SYNPR: variants seen among roughly 807,000 people sequenced by gnomAD.
The protein encoded by SYNPR is synaptoporin.
In SYNPR, 23 loss-of-function variants were observed where a neutral mutation model predicts 32.9. That is an observed-to-expected ratio of 0.70 (90% CI 0.50 to 0.99). SYNPR has a LOEUF of 0.99. Among genes scored for constraint, SYNPR ranks in the 50% least tolerant of loss-of-function variants. The probability of loss-of-function intolerance (pLI) is 0.00; values close to 1 mark genes in which losing one functional copy is unlikely to be tolerated. For missense variants in SYNPR, 318 were observed against 349.3 expected (o/e 0.91, Z 0.71); for synonymous variants, 146 against 135.9 (o/e 1.07, Z -0.52).
At chr3:63,553,270 C>T (rs1194356084) in intron 3 of SYNPR, among the ~76,000 whole-genome samples, 4 of 152,154 alleles carry the variant, frequency 2.6e-5, no homozygotes, top group Non-Finnish European at 4.4e-5. Context: ...GACATAATTT[C>T]ATTCTTTTTT....
At chr3:63,476,472 G>C (rs1196069642) in intron 2 of SYNPR, among the ~76,000 whole-genome samples, 1 of 152,150 alleles carries the variant, frequency 6.6e-6, no homozygotes, top group Non-Finnish European at 1.5e-5. Flanking sequence ...TTGGTAATGA[G>C]CTTCCAGATA....
At chr3:63,355,744 G>C (rs539924036) in intron 2 of SYNPR, among the ~76,000 whole-genome samples, 2 of 151,416 alleles carry the variant, frequency 1.3e-5, no homozygotes, top group African/African-American at 4.9e-5. Flanking sequence ...CTGCCACACA[G>C]CCTTTGCCAG....
intron 2 of SYNPR, among the ~76,000 whole-genome samples, chr3:63,383,720 A>C (rs996035688): frequency 6.6e-6 from 1 of 152,184 alleles, no homozygotes; most frequent in Non-Finnish European, 1.5e-5. Context: ...TAAGAACAGG[A>C]GTGGGAAATA....
At chr3:63,233,553 A>G (rs1018098992) in intron 1 of SYNPR, among the ~76,000 whole-genome samples, 1 of 152,192 alleles carries the variant, frequency 6.6e-6, no homozygotes, top group African/African-American at 2.4e-5. Flanking sequence ...TTCCTAAAAG[A>G]TTCTATGCAA....
intron 2 of SYNPR, among the ~76,000 whole-genome samples, chr3:63,460,239 T>C (rs1391458537): frequency 2.0e-5 from 3 of 152,090 alleles, no homozygotes; most frequent in Admixed American, 6.6e-5. Context: ...CTCCAGATTA[T>C]ATCTTCCTGT....
chr3:63,445,275 T>C (rs1700254431), intron 2 of SYNPR, among the ~76,000 whole-genome samples: 1 of 152,140 alleles, frequency 6.6e-6, no homozygotes, highest in South Asian at 2.1e-4. Flanking sequence ...CTCCAGTCTG[T>C]TAGTTTACAG....
rs538937075 is a variant in SYNPR at position 63,485,693 on chromosome 3, A to G, written c.209+4737A>G. Among the ~76,000 whole-genome samples, 12 of 152,322 alleles carry G rather than the reference A, an allele frequency of 7.9e-5. No homozygotes were observed. In the East Asian group the frequency reaches 1.4e-3, roughly 17 times the overall value. On this transcript the variant is annotated intron_variant, in intron 3 of 5. Transcript: ENST00000478300. Reference sequence around the variant, plus strand: ...TTTGTTAATGACCTTCTAATAGAGAAGGTGCTCACCTCTTGTTTTTTGGAA... The same window carrying G: ...TTTGTTAATGACCTTCTAATAGAGAGGGTGCTCACCTCTTGTTTTTTGGAA...
intron 4 of SYNPR, chr3:63,561,341 G>A (rs2106834071): frequency 6.6e-6 from 1 of 152,254 alleles, no homozygotes. Flanking sequence ...ATTTATAGAT[G>A]AGAGAAGGGA....
In SYNPR at chr3:63,443,072, C is replaced by T. The variant is rs368437602; in HGVS notation, c.85-37760C>T. On this transcript the variant is annotated intron_variant, in intron 2 of 5. Coordinates refer to ENST00000478300, the MANE Select transcript of SYNPR (RefSeq NM_001130003.2). Reference sequence around the variant, plus strand: ...GCCTCTGTTGGTGATGCAGCCTGCTCGTGCAAAGCAGTCCTGCACTTCCAG... The same window carrying T: ...GCCTCTGTTGGTGATGCAGCCTGCTTGTGCAAAGCAGTCCTGCACTTCCAG... The T allele has an allele frequency of 9.8e-6, 10 of 1,021,388 alleles. No individual in the cohort carries two copies. The Admixed American group carries it at 3.7e-4, about 38-fold the overall frequency. The allele number at this position is 1,021,388 out of a possible 1,614,324, so 63.3% of individuals were successfully genotyped here.
intron 1 of SYNPR, among the ~76,000 whole-genome samples, chr3:63,242,732 G>T (rs778791784): frequency 6.6e-6 from 1 of 152,026 alleles, no homozygotes; most frequent in Non-Finnish European, 1.5e-5. Flanking sequence ...GATGAGGAGT[G>T]AAATGCTGCA....
At chr3:63,218,387 T>C in the SYNPR span, among the ~76,000 whole-genome samples, 1 of 152,196 alleles carries the variant, frequency 6.6e-6, no homozygotes, top group Admixed American at 6.5e-5. Flanking sequence ...GGAACATTTA[T>C]TGAGAATCCA....
chr3:63,386,979 A>C (rs2088054337), intron 2 of SYNPR, among the ~76,000 whole-genome samples: 1 of 152,208 alleles, frequency 6.6e-6, no homozygotes, highest in African/African-American at 2.4e-5. Flanking sequence ...TGATCTCTCA[A>C]GAATCTCATT....
At chr3:63,548,384 G>T (rs1000050858) in intron 3 of SYNPR, among the ~76,000 whole-genome samples, 7 of 151,810 alleles carry the variant, frequency 4.6e-5, no homozygotes. Flanking sequence ...GGGGCTACTT[G>T]GGGGGAAAAA....
the SYNPR span, among the ~76,000 whole-genome samples, chr3:63,217,563 C>T: frequency 1.5e-5 from 2 of 131,424 alleles, no homozygotes; most frequent in Admixed American, 7.9e-5. Context: ...CGCCCTGCTT[C>T]GGCTCGCGCA....
At chr3:63,473,016 T>C (rs1245450275) in intron 2 of SYNPR, among the ~76,000 whole-genome samples, 1 of 152,094 alleles carries the variant, frequency 6.6e-6, no homozygotes, top group African/African-American at 2.4e-5. Context: ...ATACCTGACA[T>C]ATTTCTGCCT....
intron 3 of SYNPR, among the ~76,000 whole-genome samples, chr3:63,269,321 T>C (rs1009451791): frequency 1.3e-5 from 2 of 152,056 alleles, no homozygotes; most frequent in Non-Finnish European, 2.9e-5. Flanking sequence ...AAACCCCATC[T>C]CTACTAAAAA....
chr3:63,559,121 G>A (rs1702641415), intron 4 of SYNPR, among the ~76,000 whole-genome samples: 1 of 140,214 alleles, frequency 7.1e-6, no homozygotes, highest in African/African-American at 2.7e-5. Context: ...AGGCTGCTGT[G>A]TAGTGGAGCG....
intron 2 of SYNPR, among the ~76,000 whole-genome samples, chr3:63,373,940 G>C (rs1385190941): frequency 6.6e-6 from 1 of 152,220 alleles, no homozygotes. Context: ...AATTGATAAA[G>C]AGAGAAATTT....
In SYNPR at chr3:63,615,852, G is replaced by C; in HGVS notation, c.*371G>C. ...TGAGTTTTCTTATGCATTTTGATGT[G>C]AAAGATGTTATAATAATTTCTAGAA... On this transcript the variant is annotated 3_prime_UTR_variant, in exon 6 of 6. Transcript: ENST00000478300. 6.2e-6 allele frequency: 1 copy of C among 162,190 alleles called. No homozygotes were observed. The highest frequency in any genetic ancestry group is 1.3e-5 in the Non-Finnish European group (1 of 74,748). 10.0% of individuals were successfully genotyped at this position (162,190 alleles called of 1,614,324 possible). A position where few individuals can be genotyped will look rare whatever the true frequency, so the allele number is the denominator to read the frequency against.
Sources: allele counts gnomAD v4.1 joint callset (sites outside exome capture counted in the v4.1 genomes callset), GRCh38; gene constraint gnomAD v4.1.1; transcripts MANE v1.5; gene names NCBI Gene and HGNC (gene_info 2026-07-23, HGNC 2026-07-21).